Variants in ARAP2 observed in about 807,000 individuals in gnomAD.
ARAP2 encodes the protein ArfGAP with RhoGAP domain, ankyrin repeat and PH domain 2, also known as arf-GAP with Rho-GAP domain, ANK repeat and PH domain-containing protein 2.
Under a neutral mutation model 194.5 loss-of-function variants are expected in ARAP2, and 148 were observed. That is an observed-to-expected ratio of 0.76 (90% CI 0.67 to 0.87). The LOEUF is 0.87. Ranked by LOEUF, ARAP2 falls within the 40% of genes least tolerant of loss-of-function variation. The pLI, the probability that ARAP2 is intolerant of heterozygous loss-of-function variation, is 0.00. For synonymous variants in ARAP2, 695 were observed against 683.5 expected, an observed-to-expected ratio of 1.02 and a Z score of -0.26; for missense variants, 2,128 against 1,989.7, an observed-to-expected ratio of 1.07 and a Z score of -1.32.
chr4:36,205,198 T>C (rs548372943), intron 6 of ARAP2, among the ~76,000 whole-genome samples: 36 of 151,958 alleles, frequency 2.4e-4, no homozygotes, highest in African/African-American at 8.2e-4. Flanking sequence ...AAAAGGATAA[T>C]AGGAATTGTG....
rs1750982979 is a variant in ARAP2, at chr4:36,229,308, A to G, written c.179T>C (p.Ile60Thr). Residue 60 changes from isoleucine to threonine, a missense_variant, in exon 2 of 33, where the codon ATA (isoleucine) becomes ACA (threonine). Physicochemically the swap from Ile to Thr is moderately conservative, Grantham distance 89. Transcript: ENST00000303965. ...GISPTGHRRRILKQLQIILSK... is the reference protein window; with the variant it reads ...GISPTGHRRRTLKQLQIILSK... ...CAAGATTATCTGTAACTGTTTAAGT[A>G]TCCTCCTACGGTGACCTGTAGGTGA... 1 of 1,613,962 alleles carries G rather than the reference A, an allele frequency of 6.2e-7. No homozygotes were observed. The highest frequency in any genetic ancestry group is 1.1e-5 in the South Asian group (1 of 91,084).
At chr4:36,164,273 G>A (rs1734778011) in intron 11 of ARAP2, among the ~76,000 whole-genome samples, 1 of 152,082 alleles carries the variant, frequency 6.6e-6, no homozygotes, top group African/African-American at 2.4e-5. Flanking sequence ...CTGAAGTTTA[G>A]ACTGTGGTTA....
intron 5 of ARAP2, among the ~76,000 whole-genome samples, chr4:36,025,669 C>T (rs1448789946): frequency 1.3e-5 from 2 of 150,912 alleles, no homozygotes; most frequent in Admixed American, 6.6e-5. Flanking sequence ...TGGAGAATTA[C>T]ACTTTGCAGA....
chr4:36,171,889 G>A (rs1033192303), intron 9 of ARAP2, among the ~76,000 whole-genome samples: 1 of 152,060 alleles, frequency 6.6e-6, no homozygotes, highest in African/African-American at 2.4e-5. Context: ...AATGGTAAAT[G>A]TTCAATTAAA....
rs1727593148 is a variant in ARAP2, at chr4:36,073,770, G to A, written c.4662C>T (p.Thr1554=). The A allele has an allele frequency of 1.2e-6, 2 of 1,613,000 alleles. No homozygotes were observed. The highest frequency in any genetic ancestry group is 1.7e-5 in the Admixed American group (1 of 59,932). ...PAGKERKRSI[T]KNPKIGGLPL... is the part of the protein sequence containing the mutation. ...GCAAACCTCCAATTTTGGGATTTTTGGTTATTGAACGTTTTCGTTCCTTTC... is the reference window on the plus strand; with the variant it reads ...GCAAACCTCCAATTTTGGGATTTTTAGTTATTGAACGTTTTCGTTCCTTTC... Residue 1554 remains threonine (T), a synonymous_variant, in exon 32 of 33, where the codon ACC becomes ACT. Coordinates refer to ENST00000303965, the MANE Select transcript of ARAP2 (RefSeq NM_015230.4).
At chr4:36,036,295 C>T (rs1290564347) in intron 5 of ARAP2, among the ~76,000 whole-genome samples, 2 of 152,106 alleles carry the variant, frequency 1.3e-5, no homozygotes. Context: ...TTTAAATCTT[C>T]TAATCCATGG....
chr4:36,201,302 C>T (rs1744316089), intron 6 of ARAP2, among the ~76,000 whole-genome samples: 1 of 152,188 alleles, frequency 6.6e-6, no homozygotes, highest in Non-Finnish European at 1.5e-5. Flanking sequence ...CTCTTAACTG[C>T]TATACAAAGC....
intron 3 of ARAP2, among the ~76,000 whole-genome samples, chr4:36,051,225 G>A (rs1204501640): frequency 3.3e-5 from 5 of 152,172 alleles, no homozygotes; most frequent in African/African-American, 1.2e-4. Context: ...CAATGGGCCA[G>A]GCCCGGTGGC....
In ARAP2 at chr4:36,184,294, T is replaced by TATAC. The variant is rs1491405928; in HGVS notation, c.1678+3156_1678+3157insGTAT. Among the ~76,000 whole-genome samples, 3 of 140,802 alleles carry TATAC rather than the reference T, an allele frequency of 2.1e-5. No homozygotes were observed. In the Admixed American group the frequency reaches 2.1e-4, roughly 10 times the overall value. 92.4% of individuals were successfully genotyped at this position (140,802 alleles called of 152,430 possible). A position where few individuals can be genotyped will look rare whatever the true frequency, so the allele number is the denominator to read the frequency against. On this transcript the variant is annotated intron_variant, in intron 8 of 32. Transcript: ENST00000303965. ...GCATAAACATATATATATATATATA[T>TATAC]ACGTACACACACCTCTACACCCACT...
intron 2 of ARAP2, among the ~76,000 whole-genome samples, chr4:36,225,305 A>G (rs949869404): frequency 2.6e-5 from 4 of 152,206 alleles, no homozygotes; most frequent in Admixed American, 2.0e-4. Flanking sequence ...ATGTACAAAA[A>G]TCACTAAAGC....
At chr4:36,020,722 T>C (rs575057416) in intron 5 of ARAP2, among the ~76,000 whole-genome samples, 337 of 152,354 alleles carry the variant, frequency 2.2e-3, no homozygotes, top group Non-Finnish European at 3.7e-3. Flanking sequence ...TCGAGACTGC[T>C]GGTTAGACTG....
At chr4:36,023,360 T>C (rs947610504) in intron 5 of ARAP2, among the ~76,000 whole-genome samples, 26 of 152,314 alleles carry the variant, frequency 1.7e-4, no homozygotes, top group Admixed American at 1.5e-3. Flanking sequence ...TTTTCCATCA[T>C]GTCATATCAA....
At chr4:36,149,426 G>A (rs1418784546) in intron 16 of ARAP2, among the ~76,000 whole-genome samples, 1 of 152,052 alleles carries the variant, frequency 6.6e-6, no homozygotes, top group East Asian at 1.9e-4. Flanking sequence ...CCTAAAATAT[G>A]TCTATATAAA....
At chr4:36,161,625 G>A in intron 11 of ARAP2, 75 bp from the exon 12 acceptor site, 1 of 1,217,058 alleles carries the variant, frequency 8.2e-7, no homozygotes, top group East Asian at 2.4e-5. Flanking sequence ...GAAAGAAAGT[G>A]CATATGTCTG....
intron 27 of ARAP2, among the ~76,000 whole-genome samples, chr4:36,096,609 T>TATA (rs1715391603): frequency 6.6e-6 from 1 of 152,078 alleles, no homozygotes; most frequent in Non-Finnish European, 1.5e-5. Context: ...TGAATAAACA[T>TATA]ATATAACAAA....
At chr4:36,161,384 C>T (rs1733908053) in intron 12 of ARAP2, 81 bp downstream of exon 12, 3 of 1,196,408 alleles carry the variant, frequency 2.5e-6, no homozygotes, top group South Asian at 2.5e-5. Flanking sequence ...ATTCCTGCCA[C>T]CCAAACCCAC....
At chr4:36,155,646 T>TA (rs948252544) in intron 15 of ARAP2, among the ~76,000 whole-genome samples, 10 of 148,774 alleles carry the variant, frequency 6.7e-5, no homozygotes, top group Admixed American at 6.6e-4. Context: ...TTTTATTTTT[T>TA]ATTTATTTTT....
chr4:36,170,413 C>A (rs1736343638), intron 9 of ARAP2, among the ~76,000 whole-genome samples: 1 of 152,182 alleles, frequency 6.6e-6, no homozygotes, highest in Admixed American at 6.5e-5. Flanking sequence ...CATAGTGAGA[C>A]CCTGTCTCTA....
intron 1 of ARAP2, among the ~76,000 whole-genome samples, chr4:36,236,502 C>T (rs961560032): frequency 1.3e-5 from 2 of 152,096 alleles, no homozygotes; most frequent in Non-Finnish European, 2.9e-5. Context: ...ACTGAAAAAT[C>T]AGAAACACAT....
Sources: allele counts gnomAD v4.1 joint callset (sites outside exome capture counted in the v4.1 genomes callset), GRCh38; gene constraint gnomAD v4.1.1; transcripts MANE v1.5; gene names NCBI Gene and HGNC (gene_info 2026-07-23, HGNC 2026-07-21).